CDC16: variants seen among roughly 807,000 people sequenced by gnomAD.
CDC16 encodes the protein cell division cycle protein 16 homolog.
Under a neutral mutation model 87.0 loss-of-function variants are expected in CDC16, and 34 were observed. The ratio of observed to expected loss-of-function variants is 0.39; its 90% CI spans 0.30 to 0.52. The LOEUF (loss-of-function observed/expected upper bound fraction) is 0.52. CDC16 is among the 20% of genes least tolerant of loss of function. The pLI, the probability that CDC16 is intolerant of heterozygous loss-of-function variation, is 0.74. For synonymous variants in CDC16, 263 were observed against 260.6 expected (o/e 1.01, Z -0.09); for missense variants, 653 against 751.9 (o/e 0.87, Z 1.54).
At chr13:114,239,577 T>C (rs2081441702) in intron 5 of CDC16, 87 bp downstream of exon 5, 1 of 1,341,716 alleles carries the variant, frequency 7.5e-7, no homozygotes, top group East Asian at 2.6e-5. Context: ...CTTTTACTTA[T>C]TACTATATTA....
At position 114,235,022 on chromosome 13, in the gene CDC16, C is replaced by G; in HGVS notation, c.-63C>G. 8.3e-7 allele frequency: 1 copy of G among 1,211,832 alleles called. No homozygotes were observed. The highest frequency in any genetic ancestry group is 3.3e-5 in the South Asian group (1 of 29,898). The allele number at this position is 1,211,832 out of a possible 1,614,324, so 75.1% of individuals were successfully genotyped here. Reference sequence around the variant, plus strand: ...ACGGGCACGGGCACGGGGCGGGGTGCTTAGGGTGCAGGAGGCGCGCGCCTA... The same window carrying G: ...ACGGGCACGGGCACGGGGCGGGGTGGTTAGGGTGCAGGAGGCGCGCGCCTA... On this transcript the variant is annotated 5_prime_UTR_variant, in exon 1 of 18. Transcript: ENST00000356221.
chr13:114,248,380 C>G (rs1566652546), intron 11 of CDC16, among the ~76,000 whole-genome samples: 1 of 152,172 alleles, frequency 6.6e-6, no homozygotes, highest in Non-Finnish European at 1.5e-5. Context: ...CTCTCTCTTT[C>G]TTTAAAAATG....
At chr13:114,238,114 G>A (rs1005325792) in intron 3 of CDC16, among the ~76,000 whole-genome samples, 2 of 152,018 alleles carry the variant, frequency 1.3e-5, no homozygotes, top group Middle Eastern at 3.4e-3. Flanking sequence ...GAGCTGCTGC[G>A]ATCTCCTTGG....
At chr13:114,270,641 A>G (rs554638481) in intron 17 of CDC16, among the ~76,000 whole-genome samples, 2 of 152,232 alleles carry the variant, frequency 1.3e-5, no homozygotes, top group Non-Finnish European at 2.9e-5. Context: ...ATGCATGTAC[A>G]TAGGGTTCAT....
intron 12 of CDC16, 144 bp downstream of exon 12, chr13:114,250,818 A>G: frequency 1.2e-6 from 1 of 829,484 alleles, no homozygotes; most frequent in Non-Finnish European, 1.8e-6. Flanking sequence ...TTGTGATTGT[A>G]AAATAACTAT....
chr13:114,263,726 A>C (rs1039610406), intron 16 of CDC16, among the ~76,000 whole-genome samples: 1 of 152,198 alleles, frequency 6.6e-6, no homozygotes. Flanking sequence ...AGCCACAGAC[A>C]CCTGCTTTCC....
At chr13:114,267,377 T>C (rs989960349) in intron 17 of CDC16, among the ~76,000 whole-genome samples, 4 of 151,930 alleles carry the variant, frequency 2.6e-5, no homozygotes, top group African/African-American at 7.3e-5. Context: ...GGCAGACGCC[T>C]GTAGTCCCAG....
chr13:114,265,357 G>T (rs1397118813), intron 17 of CDC16, 117 bp downstream of exon 17: 2 of 693,940 alleles, frequency 2.9e-6, no homozygotes, highest in Non-Finnish European at 5.1e-6. Context: ...CTAACCATTC[G>T]TGCTGCATTA....
At position 114,263,013 on chromosome 13, in the gene CDC16, C is replaced by T; in HGVS notation, c.1511C>T (p.Thr504Ile). 3 of 1,612,498 alleles carry T rather than the reference C, an allele frequency of 1.9e-6. No individual in the cohort carries two copies. Among genetic ancestry groups the T allele is most frequent in the Non-Finnish European group, 2.5e-6 (3 of 1,178,494 alleles). ...GAAAATGCTGTGGACTACTTCCACA[C>T]AGTATGTCTTTTCTTTGTACCTAAT... The part of the protein sequence containing the change: ...NFENAVDYFH[T>I]ALGLRRDDTF... Residue 504 changes from threonine to isoleucine, a missense_variant and splice_region_variant, in exon 16 of 18, where the codon ACA becomes ATA. By Grantham distance (89) the Thr-to-Ile change is moderately conservative. Coordinates refer to ENST00000356221, the MANE Select transcript of CDC16 (RefSeq NM_001078645.3).
At position 114,265,238 on chromosome 13, in the gene CDC16, T is replaced by C. The variant is rs1485922834; in HGVS notation, c.1601T>C (p.Ile534Thr). The C allele has an allele frequency of 3.6e-5, 57 of 1,584,376 alleles. No individual in the cohort carries two copies. The highest frequency in any genetic ancestry group is 4.8e-5 in the Non-Finnish European group (55 of 1,153,138). The change falls in exon 17 of 18, where the codon ATT (isoleucine) becomes ACT (threonine). Residue 534 changes from isoleucine to threonine, a missense_variant and splice_region_variant. Transcript: ENST00000356221. ...EMYIGDSEAY[I>T]GADIKDKLKC... The stretch of plus-strand genomic sequence containing the variant: ...TACATTGGTGATTCTGAAGCTTATA[T>C]TGGTAAGATAATCGTTATTCTTATT...
intron 8 of CDC16, 113 bp downstream of exon 8, chr13:114,244,102 T>A (rs1375461987): frequency 9.4e-6 from 7 of 744,926 alleles, no homozygotes; most frequent in Middle Eastern, 5.3e-4. Context: ...ATTTAAGTTA[T>A]CTTTACCAAT....
intron 17 of CDC16, among the ~76,000 whole-genome samples, chr13:114,268,100 C>T (rs1382004017): frequency 6.6e-6 from 1 of 152,132 alleles, no homozygotes; most frequent in Non-Finnish European, 1.5e-5. Context: ...TGCTTAGATG[C>T]TGTCCACCAA....
At chr13:114,254,843 C>CTAA (rs560996331) in intron 12 of CDC16, among the ~76,000 whole-genome samples, 250 of 152,302 alleles carry the variant, frequency 1.6e-3, no homozygotes, top group Non-Finnish European at 1.8e-3. Context: ...CTCCTCTTTA[C>CTAA]GCCCTCCAGC....
chr13:114,244,757 G>T, intron 8 of CDC16, 133 bp from the exon 9 acceptor site: 1 of 506,824 alleles, frequency 2.0e-6, no homozygotes, highest in South Asian at 4.1e-5. Context: ...GAAGATAATG[G>T]AGTGAAGAAA....
chr13:114,242,181 C>G lies in CDC16; in HGVS notation c.442C>G (p.Leu148Val). The change falls in exon 6 of 18, where the codon CTG (leucine) becomes GTG (valine). Residue 148 changes from leucine to valine, a missense_variant. By Grantham distance (32) the Leu-to-Val change is conservative (BLOSUM62 1). Coordinates refer to ENST00000356221, the MANE Select transcript of CDC16 (RefSeq NM_001078645.3). ...CTATGATGCTCTAGATAACCGAACC[C>G]TGGCTACCTACAGCTACAAAGAAGC... is the stretch of plus-strand genomic sequence containing the variant. ...KIYDALDNRT[L>V]ATYSYKEALK... 6.2e-7 allele frequency: 1 copy of G among 1,614,082 alleles called. No individual in the cohort carries two copies. The highest frequency in any genetic ancestry group is 8.5e-7 in the Non-Finnish European group (1 of 1,180,002).
rs538262761 is a variant in CDC16 at position 114,242,147 on chromosome 13, C to T, written c.408C>T (p.Arg136=). 71 of 1,611,244 alleles carry T rather than the reference C, an allele frequency of 4.4e-5. No homozygotes were observed. Among genetic ancestry groups the T allele is most frequent in the Admixed American group, 5.1e-5 (3 of 59,236 alleles). The change falls in exon 6 of 18, where the codon CGC becomes CGT. Residue 136 remains arginine (R), a synonymous_variant. Coordinates refer to ENST00000356221, the MANE Select transcript of CDC16 (RefSeq NM_001078645.3). Reference sequence around the variant, plus strand: ...TAAAGAGTTCTATCTGTCTTCTACGCGGGAAAATCTATGATGCTCTAGATA... The same window carrying T: ...TAAAGAGTTCTATCTGTCTTCTACGTGGGAAAATCTATGATGCTCTAGATA... ...SSIKSSICLL[R]GKIYDALDNR...
intron 12 of CDC16, among the ~76,000 whole-genome samples, chr13:114,255,756 C>T (rs2082458150): frequency 6.6e-6 from 1 of 152,212 alleles, no homozygotes. Context: ...GATCCTTCCG[C>T]CTCAGCCTCT....
Position 114,234,972 on chromosome 13 carries a change from T to TG in CDC16, c.-109dup. 1.4e-6 allele frequency: 1 copy of TG among 708,830 alleles called. No individual in the cohort carries two copies. Among genetic ancestry groups the TG allele is most frequent in the Admixed American group, 5.0e-5 (1 of 19,850 alleles). The allele number at this position is 708,830 out of a possible 1,614,324, so 43.9% of individuals were successfully genotyped here. On this transcript the variant is annotated 5_prime_UTR_variant, in exon 1 of 18. Coordinates refer to ENST00000356221, the MANE Select transcript of CDC16 (RefSeq NM_001078645.3). Reference sequence around the variant, plus strand: ...CTTCGAGTCCGCGGCCTTCGAGTCCTGGGGCGGCGGCGGCGGCTGCAGGCA... The same window carrying TG: ...CTTCGAGTCCGCGGCCTTCGAGTCCTGGGGGCGGCGGCGGCGGCTGCAGGCA...
intron 17 of CDC16, among the ~76,000 whole-genome samples, chr13:114,266,889 G>A (rs1315873815): frequency 6.6e-6 from 1 of 151,662 alleles, no homozygotes; most frequent in Non-Finnish European, 1.5e-5. Flanking sequence ...GTAGTGATGG[G>A]GTTTCACAGT....
Sources: allele counts gnomAD v4.1 joint callset (sites outside exome capture counted in the v4.1 genomes callset), GRCh38; gene constraint gnomAD v4.1.1; transcripts MANE v1.5; gene names NCBI Gene and HGNC (gene_info 2026-07-23, HGNC 2026-07-21).